WDR59: variants seen among roughly 807,000 people sequenced by gnomAD.
WDR59 encodes the protein WD repeat domain 59.
Under a neutral mutation model 131.2 loss-of-function variants are expected in WDR59, and 100 were observed. That is an observed-to-expected ratio of 0.76 (90% CI 0.65 to 0.90). The LOEUF is 0.90. WDR59 is among the 40% of genes least tolerant of loss of function. The pLI, the probability that WDR59 is intolerant of heterozygous loss-of-function variation, is 0.00. For synonymous variants in WDR59, 601 were observed against 466.2 expected (o/e 1.29, Z -3.72); for missense variants, 1,203 against 1,262.2 (o/e 0.95, Z 0.71).
Position 74,886,323 on chromosome 16 carries a change from C to G in WDR59, c.2493G>C (p.Leu831=), listed in dbSNP as rs191626021. Residue 831 remains leucine (L), a synonymous_variant, in exon 24 of 26, where the codon CTG becomes CTC. Coordinates refer to ENST00000262144, the MANE Select transcript of WDR59 (RefSeq NM_030581.4). Reference sequence around the variant, plus strand: ...CTCGCTCACGGGGATCACTGTAGGTCAGACTCCCAAAGCGGAGCTCTTCTG... The same window carrying G: ...CTCGCTCACGGGGATCACTGTAGGTGAGACTCCCAAAGCGGAGCTCTTCTG... ...SSPEELRFGS[L]TYSDPRERER... is the part of the protein sequence containing the mutation. 1.9e-6 allele frequency: 3 copies of G among 1,614,012 alleles called. No homozygotes were observed. Among genetic ancestry groups the G allele is most frequent in the East Asian group, 4.5e-5 (2 of 44,876 alleles).
At chr16:74,971,809 A>G (rs1450814099) in intron 1 of WDR59, among the ~76,000 whole-genome samples, 2 of 152,122 alleles carry the variant, frequency 1.3e-5, no homozygotes, top group African/African-American at 4.8e-5. Context: ...TCTGGGCTCA[A>G]GTGATTAACC....
chr16:74,958,992 G>A (rs1044720365), intron 2 of WDR59, among the ~76,000 whole-genome samples: 1 of 152,186 alleles, frequency 6.6e-6, no homozygotes, highest in Admixed American at 6.6e-5. Context: ...CTGGGAAGCA[G>A]GGGATGCAGT....
chr16:74,916,079 C>T (rs551296465), intron 12 of WDR59, 48 bp downstream of exon 12: 2 of 1,614,002 alleles, frequency 1.2e-6, no homozygotes, highest in Admixed American at 1.7e-5. Flanking sequence ...CACAACTCTG[C>T]AATGCGTAGA....
intron 1 of WDR59, among the ~76,000 whole-genome samples, chr16:74,967,187 G>T (rs756569928): frequency 3.3e-5 from 5 of 152,134 alleles, no homozygotes; most frequent in Admixed American, 6.6e-5. Flanking sequence ...AGTAACATTG[G>T]GGACAAGAAG....
At chr16:74,888,682 G>A (rs1239941542) in intron 21 of WDR59, among the ~76,000 whole-genome samples, 2 of 149,036 alleles carry the variant, frequency 1.3e-5, no homozygotes, top group Non-Finnish European at 3.0e-5. Context: ...CAGCTCCAAG[G>A]AAGAATCACA....
intron 25 of WDR59, among the ~76,000 whole-genome samples, chr16:74,876,197 G>A (rs967777632): frequency 2.6e-5 from 4 of 152,042 alleles, no homozygotes; most frequent in African/African-American, 9.7e-5. Flanking sequence ...GGTACCTAAG[G>A]GCATATTTTA....
rs181925077 is a variant in WDR59 at position 74,872,051 on chromosome 16, A to G, written c.*2158T>C. 2.0e-3 allele frequency: 308 copies of G among 152,396 alleles called. 1 individual carries two copies. The highest frequency in any genetic ancestry group is 7.1e-3 in the African/African-American group (294 of 41,602). 9.4% of individuals were successfully genotyped at this position (152,396 alleles called of 1,614,324 possible). The stretch of plus-strand genomic sequence containing the variant: ...TTTCAGTAAGAAATGAATTTACGCT[A>G]TGATCCGGTATACACCTGTGCACAC... On this transcript the variant is annotated 3_prime_UTR_variant, in exon 26 of 26. Coordinates refer to ENST00000262144, the MANE Select transcript of WDR59 (RefSeq NM_030581.4).
intron 18 of WDR59, among the ~76,000 whole-genome samples, chr16:74,902,687 T>C (rs183629999): frequency 1.2e-4 from 18 of 152,298 alleles, no homozygotes; most frequent in Admixed American, 2.0e-4. Context: ...ACCCCACATG[T>C]ACCCAACCAT....
Position 74,912,998 on chromosome 16 carries a change from C to T in WDR59, c.1225-636G>A, listed in dbSNP as rs548929287. 2.2e-3 allele frequency among the ~76,000 whole-genome samples: 338 copies of T among 152,056 alleles called. 4 individuals are homozygous for T. Among genetic ancestry groups the T allele is most frequent in the African/African-American group, 7.6e-3 (317 of 41,442 alleles). ...CACAGCCTTCCAGCGTGGGCATCAC[C>T]ACCATCATGAACATGTCACAGTGCT... On this transcript the variant is annotated intron_variant, in intron 13 of 25. Transcript: ENST00000262144.
intron 25 of WDR59, among the ~76,000 whole-genome samples, chr16:74,884,414 T>C (rs1964657514): frequency 1.3e-5 from 2 of 152,250 alleles, no homozygotes; most frequent in South Asian, 4.1e-4. Context: ...AGTGGCGTGA[T>C]CTTGGCTCAC....
At chr16:74,905,132 T>C (rs1430959280) in intron 17 of WDR59, among the ~76,000 whole-genome samples, 7 of 152,128 alleles carry the variant, frequency 4.6e-5, no homozygotes, top group Non-Finnish European at 1.0e-4. Flanking sequence ...TCCCAGCACT[T>C]TGGGAGGCCA....
At chr16:74,968,564 T>C (rs917815643) in intron 1 of WDR59, among the ~76,000 whole-genome samples, 1 of 151,974 alleles carries the variant, frequency 6.6e-6, no homozygotes, top group Admixed American at 6.6e-5. Flanking sequence ...CTACTAAATA[T>C]ACAAAAATCA....
At chr16:74,955,885 C>T (rs1298611661) in intron 3 of WDR59, among the ~76,000 whole-genome samples, 1 of 152,012 alleles carries the variant, frequency 6.6e-6, no homozygotes, top group Non-Finnish European at 1.5e-5. Flanking sequence ...AGGTTGTAGT[C>T]CAGAATCTTT....
intron 25 of WDR59, among the ~76,000 whole-genome samples, chr16:74,876,600 ATTAACT>A (rs561576064): frequency 1.7e-4 from 26 of 152,336 alleles, no homozygotes; most frequent in African/African-American, 5.5e-4. Flanking sequence ...CAAGATCCTT[ATTAACT>A]TTAAGACCCT....
intron 1 of WDR59, among the ~76,000 whole-genome samples, chr16:74,973,450 C>T (rs1488040157): frequency 6.6e-6 from 1 of 152,134 alleles, no homozygotes; most frequent in African/African-American, 2.4e-5. Flanking sequence ...CCATGCTCAG[C>T]TAAGTTTTTC....
intron 1 of WDR59, among the ~76,000 whole-genome samples, chr16:74,981,658 A>ATT (rs2034430352): frequency 1.3e-5 from 1 of 75,522 alleles, no homozygotes; most frequent in African/African-American, 8.1e-5. Context: ...ATATATATAT[A>ATT]TATTTTTTTT....
At chr16:74,980,006 G>A (rs1293673055) in intron 1 of WDR59, among the ~76,000 whole-genome samples, 3 of 150,926 alleles carry the variant, frequency 2.0e-5, no homozygotes, top group South Asian at 2.1e-4. Flanking sequence ...GCACCACCAC[G>A]CCCAGCTAAT....
intron 9 of WDR59, among the ~76,000 whole-genome samples, chr16:74,922,586 G>A (rs1030557566): frequency 1.1e-4 from 16 of 152,136 alleles, no homozygotes; most frequent in Non-Finnish European, 2.1e-4. Flanking sequence ...CACTGCAACT[G>A]CTCAAAGGAA....
intron 13 of WDR59, among the ~76,000 whole-genome samples, chr16:74,913,077 G>T (rs867200173): frequency 5.9e-5 from 9 of 151,966 alleles, no homozygotes; most frequent in Middle Eastern, 3.4e-3. Context: ...TTTTGGGGGG[G>T]GGGGGGGCCT....
Sources: gnomAD v4.1 joint callset for allele counts (sites outside exome capture counted in the v4.1 genomes callset) on GRCh38, gnomAD v4.1.1 for gene constraint, MANE v1.5 for transcripts, NCBI Gene and HGNC (gene_info 2026-07-23, HGNC 2026-07-21) for gene names.